KRT38: variants seen among roughly 807,000 people sequenced by gnomAD.
KRT38 encodes keratin, type I cuticular Ha8.
A neutral mutation model predicts 43.1 loss-of-function variants in KRT38; 45 were observed. The observed-to-expected ratio is 1.04, with a 90% CI of 0.82 to 1.34. KRT38 has a LOEUF of 1.34. Among genes scored for constraint, KRT38 ranks in the 40% most tolerant of loss-of-function variants. The pLI, the probability that KRT38 is intolerant of heterozygous loss-of-function variation, is 0.00. For synonymous variants in KRT38, 258 were observed against 244.0 expected, an observed-to-expected ratio of 1.06 and a Z score of -0.53; for missense variants, 627 against 586.2, an observed-to-expected ratio of 1.07 and a Z score of -0.72.
At position 41,437,042 on chromosome 17, in the gene KRT38, T is replaced by C. The variant is rs1347849264; in HGVS notation, c.*370A>G. Reference sequence around the variant, plus strand: ...GGAAATCTCAGACAGTGAAGTCTGTTCTTCACTTCCTTTGTCATAAACTAT... The same window carrying C: ...GGAAATCTCAGACAGTGAAGTCTGTCCTTCACTTCCTTTGTCATAAACTAT... On this transcript the variant is annotated 3_prime_UTR_variant, in exon 7 of 7. Coordinates refer to ENST00000246646, the MANE Select transcript of KRT38 (RefSeq NM_006771.4). 1 of 169,798 alleles carries C rather than the reference T, an allele frequency of 5.9e-6. No individual in the cohort carries two copies. The highest frequency in any genetic ancestry group is 1.6e-4 in the East Asian group (1 of 6,398). 10.5% of individuals were successfully genotyped at this position (169,798 alleles called of 1,614,324 possible).
Position 41,438,636 on chromosome 17 carries a change from G to A in KRT38, c.895-20C>T, listed in dbSNP as rs372124803. 181 of 1,613,708 alleles carry A rather than the reference G, an allele frequency of 1.1e-4. No individual in the cohort carries two copies. In the African/African-American group the frequency reaches 2.1e-3, roughly 18 times the overall value. ...TTCAGACTGGAGCACAGAGAGACACGGTCACCTCCCTGCCCAGATGGAGGC... is the reference window on the plus strand; with the variant it reads ...TTCAGACTGGAGCACAGAGAGACACAGTCACCTCCCTGCCCAGATGGAGGC... On this transcript the variant is annotated intron_variant, in intron 4 of 6. Transcript: ENST00000246646.
chr17:41,437,242 AG>A lies in KRT38; in HGVS notation c.*169del, dbSNP rs150376926. The A allele has an allele frequency of 2.7e-3, 1,811 of 667,032 alleles. 30 individuals carry two copies. The African/African-American group carries it at 0.03, about 11-fold the overall frequency. 41.3% of individuals were successfully genotyped at this position (667,032 alleles called of 1,614,324 possible). ...GCATAGAGCTCACCTGGGAAAACCA[AG>A]AGCAGGAAAGGAAGGATTTCCATCA... On this transcript the variant is annotated 3_prime_UTR_variant, in exon 7 of 7. Transcript: ENST00000246646.
In KRT38 at chr17:41,438,186, T is replaced by G; in HGVS notation, c.1148A>C (p.Gln383Pro). The change falls in exon 6 of 7, where the codon CAA (glutamine) becomes CCA (proline). Residue 383 changes from glutamine to proline, a missense_variant. Coordinates refer to ENST00000246646, the MANE Select transcript of KRT38 (RefSeq NM_006771.4). ...LSEIRADLERQNQEYQVLLDV... is the reference protein window; with the variant it reads ...LSEIRADLERPNQEYQVLLDV... Reference sequence around the variant, plus strand: ...CAGCAGCACCTGGTACTCCTGGTTTTGCCGCTCCAGGTCGGCCCGGATCTC... The same window carrying G: ...CAGCAGCACCTGGTACTCCTGGTTTGGCCGCTCCAGGTCGGCCCGGATCTC... The G allele has an allele frequency of 6.2e-7, 1 of 1,614,210 alleles. No homozygotes were observed. Among genetic ancestry groups the G allele is most frequent in the Middle Eastern group, 1.6e-4 (1 of 6,062 alleles).
At chr17:41,438,064 T>A (rs1347502717) in intron 6 of KRT38, 29 bp downstream of exon 6, 1 of 1,607,844 alleles carries the variant, frequency 6.2e-7, no homozygotes, top group African/African-American at 1.3e-5. Context: ...GTAAATAATT[T>A]GGCCAGGAAT....
At chr17:41,439,410 C>T (rs368870053) in intron 2 of KRT38, 51 bp from the exon 3 acceptor site, 3 of 1,585,932 alleles carry the variant, frequency 1.9e-6, no homozygotes, top group African/African-American at 2.7e-5. Context: ...AAGAGCCCCT[C>T]TCGGCTGCCC....
In KRT38 at chr17:41,440,414, C is replaced by T. The variant is rs746220986; in HGVS notation, c.492+16G>A. On this transcript the variant is annotated intron_variant, in intron 1 of 6. Coordinates refer to ENST00000246646, the MANE Select transcript of KRT38 (RefSeq NM_006771.4). ...CCATCTCAGACCCAGCACACCCAAG[C>T]GATCCCACACCTCACCTTCTGTTGG... The T allele has an allele frequency of 9.3e-6, 15 of 1,609,726 alleles. No individual in the cohort carries two copies. Among genetic ancestry groups the T allele is most frequent in the East Asian group, 2.2e-5 (1 of 44,826 alleles).
chr17:41,438,386 GTGA>G, intron 5 of KRT38, 73 bp from the exon 6 acceptor site: 1 of 1,604,076 alleles, frequency 6.2e-7, no homozygotes, highest in Non-Finnish European at 8.5e-7. Context: ...AATTTTGATG[GTGA>G]TAACAGGTGG....
chr17:41,438,349 C>T (rs1241613813), intron 5 of KRT38, 36 bp from the exon 6 acceptor site: 2 of 1,605,592 alleles, frequency 1.2e-6, no homozygotes, highest in South Asian at 1.1e-5. Context: ...ATATACAAGG[C>T]CCCAAGGGAA....
At position 41,437,385 on chromosome 17, in the gene KRT38, A is replaced by T. The variant is rs1311293692; in HGVS notation, c.*27T>A. ...TCTCTCTTTGGGTATCCCTCGCCTTAGCCAGCCCCTGTGGGTCCACAGGAA... is the reference window on the plus strand; with the variant it reads ...TCTCTCTTTGGGTATCCCTCGCCTTTGCCAGCCCCTGTGGGTCCACAGGAA... On this transcript the variant is annotated 3_prime_UTR_variant, in exon 7 of 7. Transcript: ENST00000246646. 1.5e-5 allele frequency: 23 copies of T among 1,520,048 alleles called. 1 individual carries two copies. Among genetic ancestry groups the T allele is most frequent in the African/African-American group, 2.9e-5 (2 of 69,058 alleles). The allele number at this position is 1,520,048 out of a possible 1,614,324, so 94.2% of individuals were successfully genotyped here. A position where few individuals can be genotyped will look rare whatever the true frequency, so the allele number is the denominator to read the frequency against.
Position 41,440,780 on chromosome 17 carries a change from TG to T in KRT38, c.141del (p.Asn48ThrfsTer53). The part of the protein sequence containing the change: ...EANIAPMCLL[A>X]NVAHANRVRV... ...CGGACTCGGTTGGCATGTGCCACGT[TG>T]GCCAAAAGGCACATGGGGGCAATGT... is the stretch of plus-strand genomic sequence containing the variant. On this transcript the variant is annotated frameshift_variant, in exon 1 of 7. Coordinates refer to ENST00000246646, the MANE Select transcript of KRT38 (RefSeq NM_006771.4). LOFTEE classifies it high-confidence loss of function. The T allele has an allele frequency of 6.2e-7, 1 of 1,613,322 alleles. No individual in the cohort carries two copies. The highest frequency in any genetic ancestry group is 1.1e-5 in the South Asian group (1 of 90,974).
rs1157815527 is a variant in KRT38, at chr17:41,437,119, T to A, written c.*293A>T. The A allele has an allele frequency of 9.9e-6, 3 of 302,176 alleles. No homozygotes were observed. The highest frequency in any genetic ancestry group is 1.2e-5 in the Non-Finnish European group (2 of 164,844). 18.7% of individuals were successfully genotyped at this position (302,176 alleles called of 1,614,324 possible). ...CTTGAAGTGCAAGTGCAATTTTAAA[T>A]CATGCCGTGTTCCTACTCCAAAATG... On this transcript the variant is annotated 3_prime_UTR_variant, in exon 7 of 7. Coordinates refer to ENST00000246646, the MANE Select transcript of KRT38 (RefSeq NM_006771.4).
Position 41,440,408 on chromosome 17 carries a change from C to T in KRT38, c.492+22G>A, listed in dbSNP as rs771258731. 1.1e-5 allele frequency: 17 copies of T among 1,609,266 alleles called. No homozygotes were observed. In the Middle Eastern group the frequency reaches 4.9e-4, roughly 47 times the overall value. ...CCTCTGCCATCTCAGACCCAGCACA[C>T]CCAAGCGATCCCACACCTCACCTTC... On this transcript the variant is annotated intron_variant, in intron 1 of 6. Transcript: ENST00000246646.
chr17:41,438,383 A>T (rs1328845876), intron 5 of KRT38, 70 bp from the exon 6 acceptor site: 3 of 1,603,400 alleles, frequency 1.9e-6, no homozygotes, highest in African/African-American at 1.3e-5. Flanking sequence ...TCAAATTTTG[A>T]TGGTGATAAC....
chr17:41,440,304 G>A (rs140048135), intron 1 of KRT38, 61 bp from the exon 2 acceptor site: 153 of 1,605,542 alleles, frequency 9.5e-5, no homozygotes, highest in African/African-American at 7.2e-4. Context: ...CCTTCTCCAC[G>A]TGTGGTGTCT....
At chr17:41,438,383 A>G (rs1328845876) in intron 5 of KRT38, 70 bp from the exon 6 acceptor site, 24 of 1,603,400 alleles carry the variant, frequency 1.5e-5, no homozygotes, top group Non-Finnish European at 2.0e-5. Flanking sequence ...TCAAATTTTG[A>G]TGGTGATAAC....
At position 41,437,378 on chromosome 17, in the gene KRT38, T is replaced by C. The variant is rs1472166585; in HGVS notation, c.*34A>G. 1.3e-6 allele frequency: 2 copies of C among 1,507,718 alleles called. No homozygotes were observed. Among genetic ancestry groups the C allele is most frequent in the South Asian group, 1.3e-5 (1 of 75,100 alleles). 93.4% of individuals were successfully genotyped at this position (1,507,718 alleles called of 1,614,324 possible). ...ACAAGCATCTCTCTTTGGGTATCCC[T>C]CGCCTTAGCCAGCCCCTGTGGGTCC... On this transcript the variant is annotated 3_prime_UTR_variant, in exon 7 of 7. Coordinates refer to ENST00000246646, the MANE Select transcript of KRT38 (RefSeq NM_006771.4).
intron 2 of KRT38, 36 bp from the exon 3 acceptor site, chr17:41,439,395 C>A: frequency 6.2e-7 from 1 of 1,602,116 alleles, no homozygotes; most frequent in Non-Finnish European, 8.5e-7. Flanking sequence ...AAAAAGAATG[C>A]CCCCAAGAGC....
chr17:41,437,560 AG>A lies in KRT38; in HGVS notation c.1242-20del, dbSNP rs2018740573. ...GGGGAGTCTGCAGAGAGACAAGGTGAGGGAAGTGAGAGGCAAGAAATGAATG... is the reference window on the plus strand; with the variant it reads ...GGGGAGTCTGCAGAGAGACAAGGTGAGGAAGTGAGAGGCAAGAAATGAATG... On this transcript the variant is annotated intron_variant, in intron 6 of 6. Coordinates refer to ENST00000246646, the MANE Select transcript of KRT38 (RefSeq NM_006771.4). The A allele has an allele frequency of 6.4e-7, 1 of 1,551,960 alleles. No individual in the cohort carries two copies. The highest frequency in any genetic ancestry group is 2.2e-5 in the Admixed American group (1 of 45,246).
In KRT38 at chr17:41,440,895, T is replaced by C. The variant is rs775405483; in HGVS notation, c.27A>G (p.Ser9=). ...GAGCCATGGTGCAACCCAGAGGGCA[T>C]GAGGAGCTGCTGTAGGAAGAGGTCA... MTSSYSSS[S]CPLGCTMAPG... is the part of the protein sequence containing the mutation. Residue 9 remains serine, a synonymous_variant, in exon 1 of 7, where the codon TCA becomes TCG. Coordinates refer to ENST00000246646, the MANE Select transcript of KRT38 (RefSeq NM_006771.4). 5.2e-5 allele frequency: 80 copies of C among 1,548,434 alleles called. No homozygotes were observed. In the South Asian group the frequency reaches 9.5e-4, roughly 18 times the overall value.
Sources: allele counts gnomAD v4.1 joint callset, GRCh38; gene constraint gnomAD v4.1.1; transcripts MANE v1.5; gene names NCBI Gene and HGNC (gene_info 2026-07-23, HGNC 2026-07-21).